PRKG1: variants seen among roughly 807,000 people sequenced by gnomAD.
PRKG1 encodes the protein cGMP-dependent protein kinase 1.
PRKG1 carries 35 observed loss-of-function variants against 88.1 expected under a neutral mutation model. The ratio of observed to expected loss-of-function variants is 0.40; its 90% CI spans 0.30 to 0.53. The LOEUF (loss-of-function observed/expected upper bound fraction) is 0.53, where lower values mean the gene tolerates loss of function less well. Among genes scored for constraint, PRKG1 ranks in the 20% least tolerant of loss-of-function variants. The pLI is 0.59. For synonymous variants in PRKG1, 303 were observed against 292.5 expected (o/e 1.04, Z -0.37); for missense variants, 540 against 839.8 (o/e 0.64, Z 4.41).
intron 2 of PRKG1, among the ~76,000 whole-genome samples, chr10:51,347,453 T>G (rs748299339): frequency 6.6e-6 from 1 of 152,216 alleles, no homozygotes; most frequent in South Asian, 2.1e-4. Flanking sequence ...TACTTTTATA[T>G]AACTTGATCT....
intron 9 of PRKG1, among the ~76,000 whole-genome samples, chr10:52,224,808 C>CATATATATATATATAT (rs71032630): frequency 0.017 from 1,794 of 105,780 alleles, 33 homozygotes; most frequent in African/African-American, 0.03. Flanking sequence ...AGTATTCCAT[C>CATATATATATATATAT]ATATATATAT....
intron 2 of PRKG1, among the ~76,000 whole-genome samples, chr10:51,377,933 G>C (rs1338665079): frequency 6.6e-6 from 1 of 152,182 alleles, no homozygotes; most frequent in African/African-American, 2.4e-5. Flanking sequence ...AGAGACCTGG[G>C]TTAGACTCCT....
At chr10:51,648,529 T>C (rs1839967862) in intron 3 of PRKG1, among the ~76,000 whole-genome samples, 2 of 152,198 alleles carry the variant, frequency 1.3e-5, no homozygotes, top group Admixed American at 6.5e-5. Context: ...GAGTACTCAC[T>C]AATCTTCGCA....
chr10:51,238,238 A>G (rs1415583393), intron 2 of PRKG1, among the ~76,000 whole-genome samples: 1 of 152,176 alleles, frequency 6.6e-6, no homozygotes, highest in Non-Finnish European at 1.5e-5. Flanking sequence ...TGGGCATCGA[A>G]CTTTCATCGT....
chr10:51,698,433 G>C (rs373436302), intron 3 of PRKG1: 2 of 1,613,988 alleles, frequency 1.2e-6, no homozygotes, highest in Admixed American at 1.7e-5. Flanking sequence ...GAAGGGCCAC[G>C]AGTGTCATGA....
chr10:51,482,486 C>T (rs1564517104), intron 3 of PRKG1, among the ~76,000 whole-genome samples: 1 of 94,176 alleles, frequency 1.1e-5, no homozygotes, highest in Non-Finnish European at 2.5e-5. Context: ...CCTCCTTATC[C>T]AGACTGCCAT....
At chr10:51,486,674 G>A (rs566808250) in intron 3 of PRKG1, among the ~76,000 whole-genome samples, 2 of 152,190 alleles carry the variant, frequency 1.3e-5, no homozygotes, top group East Asian at 3.9e-4. Context: ...TTTAAGGACT[G>A]GCAAAGCTTT....
At chr10:51,669,261 G>A (rs549029625) in intron 3 of PRKG1, among the ~76,000 whole-genome samples, 4 of 152,290 alleles carry the variant, frequency 2.6e-5, no homozygotes, top group South Asian at 2.1e-4. Flanking sequence ...GTTGGGTTCC[G>A]GTGAGGGCAC....
intron 2 of PRKG1, among the ~76,000 whole-genome samples, chr10:51,163,741 A>T (rs1180163775): frequency 1.3e-5 from 2 of 152,194 alleles, no homozygotes; most frequent in Admixed American, 1.3e-4. Context: ...CCAGGAGATT[A>T]TATCTCGCAC....
intron 3 of PRKG1, among the ~76,000 whole-genome samples, chr10:51,743,845 A>C (rs1004504350): frequency 1.3e-5 from 2 of 148,660 alleles, no homozygotes. Flanking sequence ...AATGTAACAG[A>C]AAGACTTGGG....
intron 4 of PRKG1, among the ~76,000 whole-genome samples, chr10:51,878,248 A>ATGTGTG (rs1554851728): frequency 1.4e-4 from 8 of 55,556 alleles, no homozygotes; most frequent in Admixed American, 1.6e-4. Flanking sequence ...ATGTGTGAAT[A>ATGTGTG]TATGTGTGTG....
At chr10:51,181,139 A>G (rs1012577835) in intron 2 of PRKG1, among the ~76,000 whole-genome samples, 2 of 151,644 alleles carry the variant, frequency 1.3e-5, no homozygotes, top group African/African-American at 4.8e-5. Flanking sequence ...ATCCCAACCC[A>G]TTGCAAAAAC....
intron 9 of PRKG1, among the ~76,000 whole-genome samples, chr10:52,192,339 CTAAG>C (rs1839387901): frequency 6.6e-6 from 1 of 152,056 alleles, no homozygotes; most frequent in African/African-American, 2.4e-5. Context: ...AGAAATGGTA[CTAAG>C]TAAGTATGGT....
chr10:51,538,410 CATATA>C (rs1469086372), intron 3 of PRKG1, among the ~76,000 whole-genome samples: 69 of 147,694 alleles, frequency 4.7e-4, no homozygotes, highest in Non-Finnish European at 9.1e-4. Context: ...TATACATATA[CATATA>C]ATATATGATA....
intron 1 of PRKG1, among the ~76,000 whole-genome samples, chr10:51,103,593 A>G (rs1026694444): frequency 6.6e-6 from 1 of 152,192 alleles, no homozygotes; most frequent in African/African-American, 2.4e-5. Flanking sequence ...GAAATGTAAT[A>G]AAGGATGTGC....
chr10:51,849,299 TG>T (rs985214041), intron 4 of PRKG1, among the ~76,000 whole-genome samples: 12 of 152,170 alleles, frequency 7.9e-5, no homozygotes, highest in Non-Finnish European at 1.6e-4. Flanking sequence ...GAAAATAATC[TG>T]GGGGGTTACC....
intron 12 of PRKG1, among the ~76,000 whole-genome samples, chr10:52,276,014 T>A (rs970188091): frequency 2.6e-5 from 4 of 152,204 alleles, no homozygotes; most frequent in Admixed American, 6.6e-5. Context: ...GAAGAGCTAC[T>A]GATTCTTGTA....
At chr10:51,915,245 A>G (rs553666712) in intron 5 of PRKG1, among the ~76,000 whole-genome samples, 1 of 152,332 alleles carries the variant, frequency 6.6e-6, no homozygotes, top group African/African-American at 2.4e-5. Flanking sequence ...ATCATTCTAA[A>G]TAGGCCTAGA....
At chr10:51,899,089 C>G (rs1841920913) in intron 4 of PRKG1, among the ~76,000 whole-genome samples, 1 of 152,004 alleles carries the variant, frequency 6.6e-6, no homozygotes, top group African/African-American at 2.4e-5. Flanking sequence ...TGTAATAATT[C>G]CATTGTATAC....
Sources: gnomAD v4.1 joint callset for allele counts (sites outside exome capture counted in the v4.1 genomes callset) on GRCh38, gnomAD v4.1.1 for gene constraint, MANE v1.5 for transcripts, NCBI Gene and HGNC (gene_info 2026-07-23, HGNC 2026-07-21) for gene names.